Variants in PHACTR2 observed in about 807,000 individuals in gnomAD.
The protein encoded by PHACTR2 is chromosome 6 open reading frame 56.
Under a neutral mutation model 76.0 loss-of-function variants are expected in PHACTR2, and 30 were observed. That is an observed-to-expected ratio of 0.39 (90% CI 0.30 to 0.54). The LOEUF is 0.54. Ranked by LOEUF, PHACTR2 falls within the 20% of genes least tolerant of loss-of-function variation. The pLI, the probability that PHACTR2 is intolerant of heterozygous loss-of-function variation, is 0.61. For missense variants in PHACTR2, 696 were observed against 781.1 expected (o/e 0.89, Z 1.30); for synonymous variants, 292 against 292.5 (o/e 1.00, Z 0.02).
rs756559713 is a variant in PHACTR2 at position 143,659,232 on chromosome 6, A to T, written c.13+50910A>T. 6.6e-6 allele frequency among the ~76,000 whole-genome samples: 1 copy of T among 152,162 alleles called. No homozygotes were observed. The highest frequency in any genetic ancestry group is 1.5e-5 in the Non-Finnish European group (1 of 68,028). Reference sequence around the variant, plus strand: ...ATTTATATTTAAAATTTCTTTTCCTAATAATAAATTAACCTTAGCTTATTG... The same window carrying T: ...ATTTATATTTAAAATTTCTTTTCCTTATAATAAATTAACCTTAGCTTATTG... On this transcript the variant is annotated intron_variant, in intron 1 of 11. Coordinates refer to the PHACTR2 transcript ENST00000305766. The surrounding 1 kb of genome is among the most constrained non-coding windows in gnomAD (Gnocchi z 5.0).
At chr6:143,645,118 A>G (rs2128444909) in intron 1 of PHACTR2, among the ~76,000 whole-genome samples, 1 of 152,236 alleles carries the variant, frequency 6.6e-6, no homozygotes, top group African/African-American at 2.4e-5. Flanking sequence ...AAGTAGATCT[A>G]CTATTTGATC....
At chr6:143,590,224 G>A (rs992006715) in intron 1 of PHACTR2, among the ~76,000 whole-genome samples, 6 of 151,872 alleles carry the variant, frequency 4.0e-5, no homozygotes, top group African/African-American at 1.2e-4. Context: ...TATTTTCCCC[G>A]TATTTGGTCT....
chr6:143,701,273 C>G (rs1165705774), intron 1 of PHACTR2, among the ~76,000 whole-genome samples: 1 of 152,106 alleles, frequency 6.6e-6, no homozygotes, highest in Non-Finnish European at 1.5e-5. Context: ...GCTTTTCCCT[C>G]TGGGAGTTTA....
In PHACTR2 at chr6:143,553,067, A is replaced by G. The variant is rs1584053571; in HGVS notation, c.217+15860A>G. Among the ~76,000 whole-genome samples the G allele has an allele frequency of 6.6e-6, 1 of 152,206 alleles. No homozygotes were observed. The highest frequency in any genetic ancestry group is 1.5e-5 in the Non-Finnish European group (1 of 68,042). ...TTCATCCAGATGCTTAAACATGCTTATCCCAGCCCAGAAGTGTGGCTGAGG... is the reference window on the plus strand; with the variant it reads ...TTCATCCAGATGCTTAAACATGCTTGTCCCAGCCCAGAAGTGTGGCTGAGG... On this transcript the variant is annotated intron_variant, in intron 1 of 11. Coordinates refer to the PHACTR2 transcript ENST00000367584. The surrounding 1 kb of genome is among the most constrained non-coding windows in gnomAD (Gnocchi z 4.2).
chr6:143,750,248 CT>C lies in PHACTR2; in HGVS notation c.295+1186del, dbSNP rs1214323760. 6.6e-6 allele frequency among the ~76,000 whole-genome samples: 1 copy of C among 152,166 alleles called. No homozygotes were observed. Among genetic ancestry groups the C allele is most frequent in the African/African-American group, 2.4e-5 (1 of 41,446 alleles). The stretch of plus-strand genomic sequence containing the variant: ...GACCTGTCAAACTTTTCTTACTCTA[CT>C]TTATGAATGAATTTTATGTTTTCCC... On this transcript the variant is annotated intron_variant, in intron 3 of 12. Coordinates refer to ENST00000440869, the MANE Select transcript of PHACTR2 (RefSeq NM_001100164.2). The surrounding 1 kb of genome is among the most constrained non-coding windows in gnomAD (Gnocchi z 4.6).
chr6:143,661,972 A>C (rs1776954517), intron 1 of PHACTR2, among the ~76,000 whole-genome samples: 1 of 152,182 alleles, frequency 6.6e-6, no homozygotes, highest in Admixed American at 6.6e-5. Flanking sequence ...GTGTGGATTT[A>C]AAATGGCAAT....
Position 143,753,508 on chromosome 6 carries a change from G to A in PHACTR2, c.296-246G>A, listed in dbSNP as rs530618547. On this transcript the variant is annotated intron_variant, in intron 3 of 12. Transcript: ENST00000440869. This position sits in a 1 kb window ranked among gnomAD's most constrained non-coding sequence, Gnocchi z 4.6. ...GGGACTCTGCTGCCCTGGGATATTG[G>A]ATAATTAGGATGATCATTCCTGTTG... 3.3e-5 allele frequency among the ~76,000 whole-genome samples: 5 copies of A among 152,272 alleles called. No individual in the cohort carries two copies. Among genetic ancestry groups the A allele is most frequent in the Non-Finnish European group, 5.9e-5 (4 of 68,010 alleles).
chr6:143,641,849 A>G lies in PHACTR2; in HGVS notation c.13+33527A>G, dbSNP rs1282541669. On this transcript the variant is annotated intron_variant, in intron 1 of 11. Coordinates refer to the PHACTR2 transcript ENST00000305766. The surrounding 1 kb of genome is among the most constrained non-coding windows in gnomAD (Gnocchi z 5.8). ...GTCACCAAGCTTGTGGTAATTTGTC[A>G]TGACAGCCACAAGAAGCAAATACAA... 6.6e-6 allele frequency among the ~76,000 whole-genome samples: 1 copy of G among 152,162 alleles called. No individual in the cohort carries two copies. The highest frequency in any genetic ancestry group is 1.9e-4 in the East Asian group (1 of 5,196).
In PHACTR2 at chr6:143,578,810, C is replaced by T. The variant is rs574311564; in HGVS notation, c.217+41603C>T. On this transcript the variant is annotated intron_variant, in intron 1 of 11. Transcript: ENST00000367584. The surrounding 1 kb of genome is among the most constrained non-coding windows in gnomAD (Gnocchi z 4.5). ...AGCAGCTCAAAGATGAGGGAGAAGACGATGACCAAGTGGAATAACGTATTT... is the reference window on the plus strand; with the variant it reads ...AGCAGCTCAAAGATGAGGGAGAAGATGATGACCAAGTGGAATAACGTATTT... Among the ~76,000 whole-genome samples, 1 of 152,198 alleles carries T rather than the reference C, an allele frequency of 6.6e-6. No individual in the cohort carries two copies. Among genetic ancestry groups the T allele is most frequent in the Admixed American group, 6.5e-5 (1 of 15,294 alleles).
intron 2 of PHACTR2, among the ~76,000 whole-genome samples, chr6:143,744,949 A>T (rs1779024094): frequency 6.6e-6 from 1 of 152,206 alleles, no homozygotes; most frequent in Non-Finnish European, 1.5e-5. Context: ...TGATCTTGGT[A>T]TAAAAAAAGC....
intron 11 of PHACTR2, among the ~76,000 whole-genome samples, chr6:143,796,379 TTTTC>T (rs147314577): frequency 0.071 from 10,557 of 148,750 alleles, 410 homozygotes; most frequent in Non-Finnish European, 0.085. Flanking sequence ...TTTCTTTTTC[TTTTC>T]TTTCTTTCTT....
intron 2 of PHACTR2, among the ~76,000 whole-genome samples, chr6:143,727,422 G>A (rs536118264): frequency 2.0e-5 from 3 of 152,238 alleles, no homozygotes; most frequent in African/African-American, 7.2e-5. Flanking sequence ...ATAAACATGG[G>A]CATGCAGGTA....
At chr6:143,758,621 G>C (rs1202915586) in intron 4 of PHACTR2, among the ~76,000 whole-genome samples, 1 of 152,158 alleles carries the variant, frequency 6.6e-6, no homozygotes, top group African/African-American at 2.4e-5. Context: ...CTTAGTTGAG[G>C]AGACAAGATA....
Position 143,829,172 on chromosome 6 carries a change from T to C in PHACTR2, c.*5483T>C, listed in dbSNP as rs1776606779. ...TCCCTATATATACTTAAAGGAGAGA[T>C]CATACATGAAGAAAGCTTTTTTTTT... On this transcript the variant is annotated 3_prime_UTR_variant, in exon 13 of 13. Coordinates refer to ENST00000440869, the MANE Select transcript of PHACTR2 (RefSeq NM_001100164.2). The C allele has an allele frequency of 6.9e-6, 1 of 143,986 alleles. No homozygotes were observed. Among genetic ancestry groups the C allele is most frequent in the South Asian group, 2.3e-4 (1 of 4,278 alleles). 8.9% of individuals were successfully genotyped at this position (143,986 alleles called of 1,614,324 possible).
In PHACTR2 at chr6:143,599,565, G is replaced by T. The variant is rs9496697; in HGVS notation, c.217+62358G>T. ...GAAGTAACCCAACTTAACAAATGTCGTATTACTAAAGAAATGCTTATTAAT... is the reference window on the plus strand; with the variant it reads ...GAAGTAACCCAACTTAACAAATGTCTTATTACTAAAGAAATGCTTATTAAT... On this transcript the variant is annotated intron_variant, in intron 1 of 11. Transcript: ENST00000367584. The surrounding 1 kb of genome is among the most constrained non-coding windows in gnomAD (Gnocchi z 4.6). Among the ~76,000 whole-genome samples, 66,096 of 151,890 alleles carry T rather than the reference G, an allele frequency of 0.44. 14,942 individuals are homozygous for T. Among genetic ancestry groups the T allele is most frequent in the Non-Finnish European group, 0.5 (33,698 of 67,948 alleles).
At chr6:143,606,281 T>G (rs888553542), upstream of PHACTR2, among the ~76,000 whole-genome samples, 6 of 152,090 alleles carry the variant, frequency 3.9e-5, no homozygotes, top group Admixed American at 3.9e-4. Flanking sequence ...TTTTAAAACT[T>G]TCTGGATTTT....
rs536302801 is a variant in PHACTR2, at chr6:143,644,502, G to C, written c.13+36180G>C. Among the ~76,000 whole-genome samples the C allele has an allele frequency of 6.9e-5, 10 of 145,808 alleles. No individual in the cohort carries two copies. The South Asian group carries it at 1.3e-3, about 19-fold the overall frequency. On this transcript the variant is annotated intron_variant, in intron 1 of 11. Transcript: ENST00000305766. ...AAAAAAAAAGTACAGTTATGAACCTGTATTATTATATCACAGTTAGACTCA... is the reference window on the plus strand; with the variant it reads ...AAAAAAAAAGTACAGTTATGAACCTCTATTATTATATCACAGTTAGACTCA...
chr6:143,804,691 T>C (rs1776028262), intron 11 of PHACTR2, among the ~76,000 whole-genome samples: 1 of 152,240 alleles, frequency 6.6e-6, no homozygotes, highest in Non-Finnish European at 1.5e-5. Flanking sequence ...GCTCACAGAA[T>C]GCTTTCATTG....
chr6:143,792,089 G>A (rs778002093), intron 11 of PHACTR2, among the ~76,000 whole-genome samples: 9 of 152,088 alleles, frequency 5.9e-5, no homozygotes, highest in African/African-American at 2.2e-4. Flanking sequence ...ACCTGAGTGG[G>A]TTTTGTGTGT....
Sources: allele counts gnomAD v4.1 joint callset (sites outside exome capture counted in the v4.1 genomes callset), GRCh38; gene constraint gnomAD v4.1.1; non-coding constraint Gnocchi (gnomAD v3.1); transcripts MANE v1.5; gene names NCBI Gene and HGNC (gene_info 2026-07-23, HGNC 2026-07-21).